FHIT: variants seen among roughly 807,000 people sequenced by gnomAD.
The protein encoded by FHIT is bis(5'-adenosyl)-triphosphatase.
A neutral mutation model predicts 17.9 loss-of-function variants in FHIT; 19 were observed. The ratio of observed to expected loss-of-function variants is 1.06; its 90% CI spans 0.74 to 1.56. The LOEUF is 1.56. Among genes scored for constraint, FHIT ranks in the 40% most tolerant of loss-of-function variants. The probability of loss-of-function intolerance (pLI) is 0.00; values close to 1 mark genes in which losing one functional copy is unlikely to be tolerated. For synonymous variants in FHIT, 81 were observed against 69.7 expected (o/e 1.16, Z -0.81); for missense variants, 248 against 189.2 (o/e 1.31, Z -1.82).
In FHIT at chr3:60,965,137, C is replaced by T. The variant is rs544891403; in HGVS notation, c.-111+76910G>A. On this transcript the variant is annotated intron_variant, in intron 3 of 9. Transcript: ENST00000492590. ...TGGAGGCTTTGTTCATTTCTTTTTACTCTTTTTTCTCTAAACGTCTCTTCC... is the reference window on the plus strand; with the variant it reads ...TGGAGGCTTTGTTCATTTCTTTTTATTCTTTTTTCTCTAAACGTCTCTTCC... Among the ~76,000 whole-genome samples, 1,231 of 150,836 alleles carry T rather than the reference C, an allele frequency of 8.2e-3. 19 individuals carry two copies. The highest frequency in any genetic ancestry group is 0.029 in the African/African-American group (1,151 of 40,238).
At chr3:60,259,207 G>A (rs1015276766) in intron 5 of FHIT, among the ~76,000 whole-genome samples, 1 of 152,014 alleles carries the variant, frequency 6.6e-6, no homozygotes, top group Admixed American at 6.6e-5. Flanking sequence ...AGAAGAAGTG[G>A]GCAGAGACCT....
At chr3:59,853,089 A>G (rs1189863578) in intron 8 of FHIT, among the ~76,000 whole-genome samples, 3 of 152,238 alleles carry the variant, frequency 2.0e-5, no homozygotes, top group Non-Finnish European at 4.4e-5. Context: ...GTTTTGTAAG[A>G]AATCGCCAAA....
chr3:60,451,646 T>C (rs2031754815), intron 5 of FHIT, among the ~76,000 whole-genome samples: 1 of 152,164 alleles, frequency 6.6e-6, no homozygotes, highest in African/African-American at 2.4e-5. Flanking sequence ...TATAAGTATC[T>C]ACGGAAAATC....
chr3:60,373,761 A>G (rs1056949069), intron 5 of FHIT, among the ~76,000 whole-genome samples: 1 of 152,190 alleles, frequency 6.6e-6, no homozygotes, highest in African/African-American at 2.4e-5. Context: ...TACAACGTCT[A>G]TCTAACCAGA....
intron 4 of FHIT, among the ~76,000 whole-genome samples, chr3:60,656,906 A>G (rs2107816506): frequency 6.6e-6 from 1 of 152,256 alleles, no homozygotes; most frequent in Non-Finnish European, 1.5e-5. Context: ...TGAGATTGAA[A>G]GAGGTGGTTT....
At chr3:60,527,063 C>T (rs2035602965) in intron 5 of FHIT, among the ~76,000 whole-genome samples, 1 of 152,066 alleles carries the variant, frequency 6.6e-6, no homozygotes, top group South Asian at 2.1e-4. Context: ...AGCATCTGTC[C>T]CCACATGTCA....
chr3:61,004,189 G>A (rs1405685297), intron 3 of FHIT, among the ~76,000 whole-genome samples: 2 of 152,114 alleles, frequency 1.3e-5, no homozygotes, highest in African/African-American at 4.8e-5. Flanking sequence ...CAAAAGTTCT[G>A]AATATCTGTT....
chr3:60,560,607 G>A (rs572729450), intron 4 of FHIT, among the ~76,000 whole-genome samples: 1 of 152,120 alleles, frequency 6.6e-6, no homozygotes, highest in East Asian at 1.9e-4. Context: ...GGTTGAAAAT[G>A]GAAATGGGAA....
intron 1 of FHIT, among the ~76,000 whole-genome samples, chr3:61,222,223 AG>A (rs1442291730): frequency 1.3e-5 from 2 of 152,180 alleles, no homozygotes; most frequent in Non-Finnish European, 2.9e-5. Context: ...GCATAATCAC[AG>A]GGGCAGAACA....
intron 4 of FHIT, among the ~76,000 whole-genome samples, chr3:60,644,503 C>T (rs543984046): frequency 6.6e-6 from 1 of 152,264 alleles, no homozygotes; most frequent in East Asian, 1.9e-4. Flanking sequence ...TTGTAGAGAG[C>T]ATGTCTGTTT....
chr3:60,646,056 G>C (rs78486456), intron 4 of FHIT, among the ~76,000 whole-genome samples: 2,768 of 152,230 alleles, frequency 0.018, 91 homozygotes, highest in African/African-American at 0.062. Context: ...CTCAACTTTT[G>C]CAAGAGCCCA....
At chr3:61,201,935 T>C (rs1053817876) in intron 1 of FHIT, among the ~76,000 whole-genome samples, 2 of 149,790 alleles carry the variant, frequency 1.3e-5, no homozygotes, top group Non-Finnish European at 2.9e-5. Context: ...TTAAAATACA[T>C]ATATGTGTGT....
intron 5 of FHIT, among the ~76,000 whole-genome samples, chr3:60,299,314 A>C (rs961620105): frequency 3.3e-5 from 5 of 152,188 alleles, no homozygotes. Context: ...CATTTTGTTA[A>C]GAAATTTTGA....
intron 5 of FHIT, among the ~76,000 whole-genome samples, chr3:60,161,991 T>A (rs534224862): frequency 6.6e-6 from 1 of 152,012 alleles, no homozygotes; most frequent in Non-Finnish European, 1.5e-5. Context: ...AAACCGGACG[T>A]TGGAAAGAAT....
chr3:60,209,267 T>C (rs920697049), intron 5 of FHIT, among the ~76,000 whole-genome samples: 1 of 152,182 alleles, frequency 6.6e-6, no homozygotes, highest in Admixed American at 6.5e-5. Context: ...CCACATTTAG[T>C]AGTATTCCAA....
chr3:59,809,888 A>G (rs1270146521), intron 8 of FHIT, among the ~76,000 whole-genome samples: 1 of 152,078 alleles, frequency 6.6e-6, no homozygotes, highest in Non-Finnish European at 1.5e-5. Flanking sequence ...GGGGCCTTGG[A>G]AGCAAGCACA....
chr3:60,920,319 C>T (rs1345843901), intron 3 of FHIT, among the ~76,000 whole-genome samples: 1 of 152,040 alleles, frequency 6.6e-6, no homozygotes, highest in Non-Finnish European at 1.5e-5. Context: ...CTTAAGATTG[C>T]AGAAATTATC....
intron 5 of FHIT, among the ~76,000 whole-genome samples, chr3:60,318,678 A>G (rs528434615): frequency 5.9e-5 from 9 of 152,298 alleles, no homozygotes; most frequent in Admixed American, 5.2e-4. Flanking sequence ...TTTGACTTCA[A>G]TACTCATTAA....
chr3:61,012,068 C>T (rs372878858), intron 3 of FHIT, among the ~76,000 whole-genome samples: 13 of 152,276 alleles, frequency 8.5e-5, no homozygotes, highest in East Asian at 7.7e-4. Flanking sequence ...AGTTCCAAGG[C>T]TTGGAGGAAA....
Sources: gnomAD v4.1 joint callset for allele counts (sites outside exome capture counted in the v4.1 genomes callset) on GRCh38, gnomAD v4.1.1 for gene constraint, MANE v1.5 for transcripts, NCBI Gene and HGNC (gene_info 2026-07-23, HGNC 2026-07-21) for gene names.